The following GTF2F2 variants were observed in gnomAD, a reference collection of about 807,000 sequenced individuals.
The protein encoded by GTF2F2 is ATP-dependent helicase GTF2F2.
GTF2F2 carries 23 observed loss-of-function variants against 42.2 expected under a neutral mutation model. That is an observed-to-expected ratio of 0.55 (90% CI 0.39 to 0.77). The LOEUF is 0.77. Among genes scored for constraint, GTF2F2 ranks in the 30% least tolerant of loss-of-function variants. GTF2F2 has a pLI of 0.00. For synonymous variants in GTF2F2, 105 were observed against 100.8 expected (o/e 1.04, Z -0.25); for missense variants, 261 against 287.2 (o/e 0.91, Z 0.66).
At chr13:45,169,359 A>G (rs1010023106) in intron 4 of GTF2F2, among the ~76,000 whole-genome samples, 2 of 152,170 alleles carry the variant, frequency 1.3e-5, no homozygotes, top group African/African-American at 2.4e-5. Flanking sequence ...GGAGGCCACA[A>G]TTGAGTGGCC....
At chr13:45,164,124 A>G (rs1452073968) in intron 4 of GTF2F2, among the ~76,000 whole-genome samples, 1 of 152,190 alleles carries the variant, frequency 6.6e-6, no homozygotes, top group African/African-American at 2.4e-5. Flanking sequence ...TACTAAAAAT[A>G]CAAAAATTAG....
intron 2 of GTF2F2, among the ~76,000 whole-genome samples, chr13:45,146,000 C>T (rs139349879): frequency 2.6e-5 from 4 of 152,302 alleles, no homozygotes; most frequent in African/African-American, 7.2e-5. Context: ...TACTGAGCCA[C>T]TCCTTTATAG....
chr13:45,150,288 C>T (rs894679222), intron 3 of GTF2F2, among the ~76,000 whole-genome samples: 3 of 152,036 alleles, frequency 2.0e-5, no homozygotes, highest in Non-Finnish European at 4.4e-5. Flanking sequence ...TAATAAAAAG[C>T]ATTTTGAAAG....
At chr13:45,283,412 C>G (rs1207877773) in intron 7 of GTF2F2, 30 bp from the exon 8 acceptor site, 2 of 1,586,838 alleles carry the variant, frequency 1.3e-6, no homozygotes, top group Non-Finnish European at 1.7e-6. Flanking sequence ...TTTATAATCT[C>G]ATTTGTTAGG....
At chr13:45,171,034 C>T (rs539387062) in intron 4 of GTF2F2, among the ~76,000 whole-genome samples, 1 of 147,990 alleles carries the variant, frequency 6.8e-6, no homozygotes, top group South Asian at 2.2e-4. Context: ...CATGAGGTGA[C>T]ATAGCCGTGA....
intron 5 of GTF2F2, among the ~76,000 whole-genome samples, chr13:45,235,067 A>T (rs1874892365): frequency 6.6e-6 from 1 of 150,596 alleles, no homozygotes; most frequent in Non-Finnish European, 1.5e-5. Flanking sequence ...AAAAAAAAAA[A>T]AAAAGGTCAT....
chr13:45,230,225 A>T (rs1431923399), intron 5 of GTF2F2, among the ~76,000 whole-genome samples: 1 of 152,028 alleles, frequency 6.6e-6, no homozygotes, highest in Non-Finnish European at 1.5e-5. Flanking sequence ...CAAAATAAAA[A>T]AAAAAAATTA....
At chr13:45,203,175 C>T (rs1471886949) in intron 4 of GTF2F2, among the ~76,000 whole-genome samples, 1 of 151,728 alleles carries the variant, frequency 6.6e-6, no homozygotes, top group Non-Finnish European at 1.5e-5. Flanking sequence ...CTACAGAGTT[C>T]AAACAATTCT....
At chr13:45,269,433 G>A (rs1876697987) in intron 7 of GTF2F2, among the ~76,000 whole-genome samples, 1 of 152,130 alleles carries the variant, frequency 6.6e-6, no homozygotes, top group African/African-American at 2.4e-5. Context: ...TAGAGGAGAG[G>A]GCAGGAAGTG....
At chr13:45,150,306 A>G (rs1184445357) in intron 3 of GTF2F2, among the ~76,000 whole-genome samples, 1 of 152,208 alleles carries the variant, frequency 6.6e-6, no homozygotes, top group East Asian at 1.9e-4. Flanking sequence ...AAGAACACCT[A>G]GTATGTATTT....
intron 4 of GTF2F2, among the ~76,000 whole-genome samples, chr13:45,195,970 T>TA (rs1872871798): frequency 6.6e-6 from 1 of 152,178 alleles, no homozygotes; most frequent in African/African-American, 2.4e-5. Flanking sequence ...TGTTAAAAGT[T>TA]AGACTTTAGT....
chr13:45,202,187 GAC>G (rs1201445501), intron 4 of GTF2F2, among the ~76,000 whole-genome samples: 16 of 152,118 alleles, frequency 1.1e-4, no homozygotes, highest in Non-Finnish European at 2.1e-4. Context: ...AGGAGTTCAA[GAC>G]CAGCCTGGCC....
chr13:45,191,224 A>AAAAAAATATATATATATATATATAT, intron 4 of GTF2F2, among the ~76,000 whole-genome samples: 3 of 75,306 alleles, frequency 4.0e-5, no homozygotes, highest in African/African-American at 1.0e-4. Flanking sequence ...ACAAAAAAAA[A>AAAAAAATATATATATATATATATAT]ATATATATAT....
At chr13:45,188,025 C>T (rs909653383) in intron 4 of GTF2F2, among the ~76,000 whole-genome samples, 2 of 152,154 alleles carry the variant, frequency 1.3e-5, no homozygotes, top group African/African-American at 4.8e-5. Flanking sequence ...CATGCCGCAG[C>T]CTCCCAAGTA....
chr13:45,189,123 A>G (rs999563605), intron 4 of GTF2F2, among the ~76,000 whole-genome samples: 14 of 151,488 alleles, frequency 9.2e-5, no homozygotes, highest in Admixed American at 2.0e-4. Flanking sequence ...TCATTGTTCA[A>G]CTCCCACTTA....
chr13:45,143,492 C>T (rs1283870368), intron 2 of GTF2F2, among the ~76,000 whole-genome samples: 3 of 152,138 alleles, frequency 2.0e-5, no homozygotes, highest in East Asian at 1.9e-4. Flanking sequence ...ATGTAAAATA[C>T]GTAGTTAATA....
At chr13:45,267,405 A>C in intron 7 of GTF2F2, 29 bp downstream of exon 7, 2 of 1,464,148 alleles carry the variant, frequency 1.4e-6, no homozygotes, top group Non-Finnish European at 1.9e-6. Flanking sequence ...TGATCCTTTG[A>C]ATATGCCCTC....
At chr13:45,163,892 G>T (rs1445315342) in intron 4 of GTF2F2, among the ~76,000 whole-genome samples, 1 of 152,130 alleles carries the variant, frequency 6.6e-6, no homozygotes, top group South Asian at 2.1e-4. Flanking sequence ...GGTGGCTCAC[G>T]CCTGTAATCT....
At chr13:45,272,553 G>A (rs973340041) in intron 7 of GTF2F2, among the ~76,000 whole-genome samples, 1 of 151,236 alleles carries the variant, frequency 6.6e-6, no homozygotes, top group African/African-American at 2.4e-5. Context: ...GACCAGCCTG[G>A]ACAACATGGT....
Sources: gnomAD v4.1 joint callset for allele counts (sites outside exome capture counted in the v4.1 genomes callset) on GRCh38, gnomAD v4.1.1 for gene constraint, MANE v1.5 for transcripts, NCBI Gene and HGNC (gene_info 2026-07-23, HGNC 2026-07-21) for gene names.